Variants in PDE1C observed in about 807,000 individuals in gnomAD.
The protein encoded by PDE1C is dual specificity calcium/calmodulin-dependent 3',5'-cyclic nucleotide phosphodiesterase 1C.
A neutral mutation model predicts 93.1 loss-of-function variants in PDE1C; 62 were observed. The ratio of observed to expected loss-of-function variants is 0.67; its 90% confidence interval spans 0.54 to 0.82. PDE1C has a LOEUF of 0.82. Among genes scored for constraint, PDE1C ranks in the 40% least tolerant of loss-of-function variants. The pLI is 0.00. For missense variants in PDE1C, 742 were observed against 884.6 expected (o/e 0.84, Z 2.04); for synonymous variants, 325 against 310.1 (o/e 1.05, Z -0.50).
At chr7:31,876,796 C>T (rs1338280644) in intron 5 of PDE1C, among the ~76,000 whole-genome samples, 1 of 152,096 alleles carries the variant, frequency 6.6e-6, no homozygotes, top group Non-Finnish European at 1.5e-5. Context: ...CTGGGTCCTT[C>T]CTGAGTATCC....
intron 2 of PDE1C, among the ~76,000 whole-genome samples, chr7:31,990,805 A>C (rs544347167): frequency 6.6e-6 from 1 of 152,326 alleles, no homozygotes; most frequent in East Asian, 1.9e-4. Flanking sequence ...AGATTCACAT[A>C]GAGCAGCAAG....
the PDE1C span, among the ~76,000 whole-genome samples, chr7:31,723,932 CT>C: frequency 1.4e-5 from 2 of 145,822 alleles, no homozygotes; most frequent in East Asian, 4.2e-4. Context: ...TTCTTACTGC[CT>C]TTGCATCATT....
intron 1 of PDE1C, among the ~76,000 whole-genome samples, chr7:32,313,228 T>G (rs1362101913): frequency 6.6e-5 from 10 of 152,150 alleles, no homozygotes; most frequent in Middle Eastern, 3.4e-3. Context: ...CAATTAGAAT[T>G]GCGATCATTA....
the PDE1C span, among the ~76,000 whole-genome samples, chr7:31,627,622 T>C: frequency 4.8e-5 from 6 of 124,660 alleles, no homozygotes; most frequent in African/African-American, 1.8e-4. Flanking sequence ...ATCATGCCAC[T>C]GCAATCCAGC....
At chr7:31,856,782 G>A (rs1194682174) in intron 7 of PDE1C, among the ~76,000 whole-genome samples, 3 of 150,018 alleles carry the variant, frequency 2.0e-5, no homozygotes, top group Middle Eastern at 3.5e-3. Flanking sequence ...TCTGGCTCCC[G>A]TACTGTACTC....
chr7:32,404,283 A>T (rs926323496), intron 1 of PDE1C, among the ~76,000 whole-genome samples: 2 of 152,230 alleles, frequency 1.3e-5, no homozygotes, highest in Non-Finnish European at 2.9e-5. Context: ...CCATAAATGA[A>T]TGGAAGCTGT....
At chr7:32,118,897 T>G (rs1173292972) in intron 3 of PDE1C, among the ~76,000 whole-genome samples, 1 of 152,208 alleles carries the variant, frequency 6.6e-6, no homozygotes, top group Non-Finnish European at 1.5e-5. Flanking sequence ...CTAGATCATT[T>G]GTGATACTGT....
intron 1 of PDE1C, among the ~76,000 whole-genome samples, chr7:32,340,423 A>G (rs1783725404): frequency 1.3e-5 from 2 of 152,158 alleles, no homozygotes; most frequent in Admixed American, 1.3e-4. Flanking sequence ...CACTGTGAGG[A>G]GCAGAGAGAC....
At chr7:31,636,643 C>G in the PDE1C span, among the ~76,000 whole-genome samples, 1 of 151,896 alleles carries the variant, frequency 6.6e-6, no homozygotes, top group African/African-American at 2.4e-5. Context: ...GTCTCACGCT[C>G]TCCTATCCCA....
At chr7:31,620,249 A>C in the PDE1C span, among the ~76,000 whole-genome samples, 9 of 152,106 alleles carry the variant, frequency 5.9e-5, no homozygotes, top group Admixed American at 6.6e-5. Flanking sequence ...AGCTTTGAAG[A>C]GAGCAGTGGT....
chr7:32,307,913 G>C (rs1459703836), intron 1 of PDE1C, among the ~76,000 whole-genome samples: 1 of 152,214 alleles, frequency 6.6e-6, no homozygotes, highest in Non-Finnish European at 1.5e-5. Flanking sequence ...CTGTGCGTGA[G>C]CCGAAGCAGG....
the PDE1C span, chr7:31,692,346 A>G: frequency 3.0e-6 from 3 of 993,744 alleles, no homozygotes; most frequent in African/African-American, 1.6e-5. Flanking sequence ...TACTTAGCAA[A>G]TGATTGAATG....
At chr7:31,981,503 C>G (rs1812373265) in intron 2 of PDE1C, among the ~76,000 whole-genome samples, 1 of 152,108 alleles carries the variant, frequency 6.6e-6, no homozygotes, top group African/African-American at 2.4e-5. Context: ...TCAATAGATC[C>G]ATGAGCCTAA....
intron 1 of PDE1C, among the ~76,000 whole-genome samples, chr7:32,063,085 C>T (rs1794999077): frequency 6.6e-6 from 1 of 152,146 alleles, no homozygotes; most frequent in African/African-American, 2.4e-5. Flanking sequence ...ACACTTTACA[C>T]GAATTCAGTA....
chr7:32,298,715 C>A lies in PDE1C; in HGVS notation c.21G>T (p.Arg7Ser). The A allele has an allele frequency of 6.2e-7, 1 of 1,604,712 alleles. No individual in the cohort carries two copies. The highest frequency in any genetic ancestry group is 1.1e-5 in the South Asian group (1 of 89,228). Residue 7 changes from arginine (R) to serine (S), a missense_variant, in exon 1 of 19, where the codon AGG becomes AGT. Coordinates refer to the PDE1C transcript ENST00000396193. The stretch of plus-strand genomic sequence containing the variant: ...TCCGGCATTTTTTGAAGCCCTCCTT[C>A]CTGTTGCCGGCGTCCGTCATGGCTC...
chr7:32,042,640 CATTA>C (rs1791982244), intron 2 of PDE1C, among the ~76,000 whole-genome samples: 1 of 152,188 alleles, frequency 6.6e-6, no homozygotes, highest in Non-Finnish European at 1.5e-5. Context: ...GATTACTTCT[CATTA>C]ATTAAGTGAA....
chr7:32,226,710 C>T (rs572684678), intron 1 of PDE1C, among the ~76,000 whole-genome samples: 50 of 152,288 alleles, frequency 3.3e-4, no homozygotes, highest in Admixed American at 1.2e-3. Flanking sequence ...GTGTCTAGCA[C>T]GTAGGAAGCA....
chr7:31,932,443 T>C (rs931684916), intron 2 of PDE1C, among the ~76,000 whole-genome samples: 2 of 152,172 alleles, frequency 1.3e-5, no homozygotes, highest in African/African-American at 4.8e-5. Flanking sequence ...AAGACATTTA[T>C]GTGGCCAAAA....
At chr7:32,275,950 T>C (rs188882521) in intron 1 of PDE1C, among the ~76,000 whole-genome samples, 7 of 152,346 alleles carry the variant, frequency 4.6e-5, no homozygotes, top group Admixed American at 4.6e-4. Context: ...CCTGTAACTG[T>C]AGATACCAGC....
Sources: allele counts gnomAD v4.1 joint callset (sites outside exome capture counted in the v4.1 genomes callset), GRCh38; gene constraint gnomAD v4.1.1; transcripts MANE v1.5; gene names NCBI Gene and HGNC (gene_info 2026-07-23, HGNC 2026-07-21).